The following CACNA2D3 variants were observed in gnomAD, a reference collection of about 807,000 sequenced individuals.
The protein encoded by CACNA2D3 is voltage-dependent calcium channel subunit alpha-2/delta-3.
In CACNA2D3, 60 loss-of-function variants were observed where a neutral mutation model predicts 160.6. The observed-to-expected ratio is 0.37, with a 90% CI of 0.30 to 0.46. The LOEUF is 0.46. Ranked by LOEUF, CACNA2D3 falls within the 20% of genes least tolerant of loss-of-function variation. The pLI is 1.00. For synonymous variants in CACNA2D3, 558 were observed against 492.9 expected, an observed-to-expected ratio of 1.13 and a Z score of -1.75; for missense variants, 1,205 against 1,365.0, an observed-to-expected ratio of 0.88 and a Z score of 1.85.
chr3:54,983,117 G>A (rs1702542442), intron 29 of CACNA2D3, among the ~76,000 whole-genome samples: 1 of 152,108 alleles, frequency 6.6e-6, no homozygotes, highest in South Asian at 2.1e-4. Flanking sequence ...ATACAGAGTT[G>A]TCTGTTATGA....
intron 11 of CACNA2D3, among the ~76,000 whole-genome samples, chr3:54,737,180 ATATG>A (rs1233020349): frequency 3.8e-4 from 35 of 91,878 alleles, no homozygotes; most frequent in Middle Eastern, 9.1e-3. Context: ...ATCCATGTGT[ATATG>A]TGTGTGTGTG....
At chr3:54,504,216 C>T (rs1393252928) in intron 5 of CACNA2D3, among the ~76,000 whole-genome samples, 1 of 152,150 alleles carries the variant, frequency 6.6e-6, no homozygotes, top group Non-Finnish European at 1.5e-5. Flanking sequence ...AACAGAATTC[C>T]TTATTTCCAG....
At chr3:54,250,862 G>A (rs936255116) in intron 2 of CACNA2D3, among the ~76,000 whole-genome samples, 2 of 152,192 alleles carry the variant, frequency 1.3e-5, no homozygotes, top group Non-Finnish European at 2.9e-5. Flanking sequence ...TAAGAGCTGG[G>A]CAGAGAAAGA....
intron 35 of CACNA2D3, among the ~76,000 whole-genome samples, chr3:55,022,116 T>C (rs1703469548): frequency 6.6e-6 from 1 of 152,160 alleles, no homozygotes; most frequent in African/African-American, 2.4e-5. Flanking sequence ...CAATTCATTT[T>C]GCTTTCTGTA....
intron 10 of CACNA2D3, among the ~76,000 whole-genome samples, chr3:54,640,057 A>G (rs1699481344): frequency 6.6e-6 from 1 of 152,078 alleles, no homozygotes; most frequent in Non-Finnish European, 1.5e-5. Context: ...GGCCATTTAC[A>G]CTTCTTTTGT....
At chr3:54,372,101 C>T (rs1698935071) in intron 3 of CACNA2D3, among the ~76,000 whole-genome samples, 1 of 152,156 alleles carries the variant, frequency 6.6e-6, no homozygotes, top group African/African-American at 2.4e-5. Context: ...GCTTTGTGGG[C>T]CTGGTTTGGT....
Position 54,987,761 on chromosome 3 carries a change from T to G in CACNA2D3, c.2690+8T>G, listed in dbSNP as rs753392685. On this transcript the variant is annotated splice_region_variant and intron_variant, in intron 31 of 37. Transcript: ENST00000474759. ...AATGGGCTCCTTTAAAAGGTAAGGG[T>G]TTTATGGTCCACTGCATTCCCCCCA... 8 of 1,590,384 alleles carry G rather than the reference T, an allele frequency of 5.0e-6. No individual in the cohort carries two copies. In the African/African-American group the frequency reaches 1.1e-4, roughly 22 times the overall value.
At chr3:54,849,714 T>C (rs1472973211) in intron 17 of CACNA2D3, among the ~76,000 whole-genome samples, 1 of 152,138 alleles carries the variant, frequency 6.6e-6, no homozygotes, top group African/African-American at 2.4e-5. Flanking sequence ...TCCCCTTAGT[T>C]CTGGCCAAGG....
chr3:54,786,649 T>C (rs1702647354), intron 13 of CACNA2D3, among the ~76,000 whole-genome samples: 1 of 152,238 alleles, frequency 6.6e-6, no homozygotes, highest in Admixed American at 6.5e-5. Context: ...TTATTAGTCC[T>C]GATAAGTTTA....
chr3:54,363,148 T>G (rs1473333487), intron 3 of CACNA2D3, among the ~76,000 whole-genome samples: 1 of 152,078 alleles, frequency 6.6e-6, no homozygotes, highest in African/African-American at 2.4e-5. Flanking sequence ...TGAGCCGAGA[T>G]TGCGCCACTG....
chr3:54,754,789 G>A (rs1458472279), intron 12 of CACNA2D3, among the ~76,000 whole-genome samples: 1 of 152,158 alleles, frequency 6.6e-6, no homozygotes, highest in Non-Finnish European at 1.5e-5. Context: ...CTCAGTGAAG[G>A]GTTTGTGGGT....
intron 11 of CACNA2D3, among the ~76,000 whole-genome samples, chr3:54,706,525 A>G (rs565428349): frequency 3.9e-5 from 6 of 152,192 alleles, no homozygotes; most frequent in Non-Finnish European, 7.3e-5. Context: ...AATGGTATCT[A>G]TCCTCAGGCT....
intron 11 of CACNA2D3, among the ~76,000 whole-genome samples, chr3:54,667,223 G>C (rs1055227108): frequency 2.8e-5 from 4 of 142,314 alleles, no homozygotes; most frequent in Non-Finnish European, 4.7e-5. Flanking sequence ...ACCCTACCTT[G>C]AACTATTTTT....
At chr3:54,353,066 A>C (rs2107534814) in intron 3 of CACNA2D3, among the ~76,000 whole-genome samples, 1 of 152,316 alleles carries the variant, frequency 6.6e-6, no homozygotes, top group South Asian at 2.1e-4. Flanking sequence ...GATTGTAGTC[A>C]GCCTGATGTG....
chr3:54,837,087 G>A (rs910098988), intron 14 of CACNA2D3, 72 bp from the exon 15 acceptor site: 16 of 1,319,220 alleles, frequency 1.2e-5, no homozygotes, highest in Non-Finnish European at 1.6e-5. Flanking sequence ...GGACATGATT[G>A]TCAAGGGGGT....
chr3:54,563,482 T>C (rs1520571), intron 6 of CACNA2D3, among the ~76,000 whole-genome samples: 7,436 of 152,202 alleles, frequency 0.049, 355 homozygotes, highest in East Asian at 0.2. Flanking sequence ...CCCCCAGTAC[T>C]CCCAGCGGTG....
At chr3:54,218,863 T>G (rs976226138) in intron 2 of CACNA2D3, among the ~76,000 whole-genome samples, 50 of 152,288 alleles carry the variant, frequency 3.3e-4, no homozygotes, top group African/African-American at 1.1e-3. Flanking sequence ...CCTGCTTCTC[T>G]CTCCTTCACT....
chr3:54,661,846 ATGTGTGTGTG>A (rs869104703), intron 11 of CACNA2D3, among the ~76,000 whole-genome samples: 1 of 16,454 alleles, frequency 6.1e-5, no homozygotes, highest in Non-Finnish European at 1.5e-4. Context: ...GGATGTGTGT[ATGTGTGTGTG>A]TGTGTGTGTG....
intron 5 of CACNA2D3, among the ~76,000 whole-genome samples, chr3:54,520,483 T>C (rs1053539066): frequency 1.4e-4 from 22 of 152,162 alleles, no homozygotes; most frequent in African/African-American, 4.8e-4. Flanking sequence ...AGTAACCTTT[T>C]AGCTGTAGAG....
Sources: allele counts gnomAD v4.1 joint callset (sites outside exome capture counted in the v4.1 genomes callset), GRCh38; gene constraint gnomAD v4.1.1; transcripts MANE v1.5; gene names NCBI Gene and HGNC (gene_info 2026-07-23, HGNC 2026-07-21).